MED15: variants seen among roughly 807,000 people sequenced by gnomAD.
The protein encoded by MED15 is mediator of RNA polymerase II transcription subunit 15.
A neutral mutation model predicts 118.7 loss-of-function variants in MED15; 41 were observed. That is an observed-to-expected ratio of 0.35 (90% CI 0.27 to 0.45). The LOEUF is 0.45. Among genes scored for constraint, MED15 ranks in the 20% least tolerant of loss-of-function variants. The pLI is 1.00. For missense variants in MED15, 740 were observed against 1,025.5 expected (o/e 0.72, Z 3.80); for synonymous variants, 436 against 413.9 (o/e 1.05, Z -0.65).
At chr22:20,555,193 C>G (rs755516466) in intron 5 of MED15, 45 bp downstream of exon 5, 13 of 1,492,752 alleles carry the variant, frequency 8.7e-6, no homozygotes, top group Non-Finnish European at 1.2e-5. Context: ...TCCTTGCAAA[C>G]GACAACACAT....
chr22:20,544,598 G>A (rs1329060393), intron 2 of MED15, among the ~76,000 whole-genome samples: 1 of 152,150 alleles, frequency 6.6e-6, no homozygotes, highest in Non-Finnish European at 1.5e-5. Context: ...CCCGGGAGGT[G>A]GAGCTTGCAG....
intron 5 of MED15, 64 bp from the exon 6 acceptor site, chr22:20,564,386 C>G: frequency 6.3e-7 from 1 of 1,591,478 alleles, no homozygotes. Flanking sequence ...CCTTGCTGTG[C>G]AGCCCTGCAG....
chr22:20,519,590 G>A lies in MED15; in HGVS notation c.68+11844G>A, dbSNP rs184114336. The stretch of plus-strand genomic sequence containing the variant: ...GTGCCTCAGCCTTCTGAGTGGCTGG[G>A]ATTACAGGCCTGCACCACCACACCT... On this transcript the variant is annotated intron_variant, in intron 1 of 17. Coordinates refer to ENST00000263205, the MANE Select transcript of MED15 (RefSeq NM_001003891.3). 4.3e-3 allele frequency among the ~76,000 whole-genome samples: 651 copies of A among 152,174 alleles called. 7 individuals are homozygous for A. Among genetic ancestry groups the A allele is most frequent in the African/African-American group, 0.015 (622 of 41,522 alleles).
rs529162492 is a variant in MED15, at chr22:20,550,742, G to A, written c.157-694G>A. 1.1e-3 allele frequency among the ~76,000 whole-genome samples: 170 copies of A among 152,414 alleles called. 4 individuals are homozygous for A. The South Asian group carries it at 0.023, about 21-fold the overall frequency. On this transcript the variant is annotated intron_variant, in intron 2 of 17. Transcript: ENST00000263205. ...AGTGATTTCCCTGAAACACTTGGGA[G>A]TGAGTGTCCTTGGGGCCAAAGAGGA...
chr22:20,507,837 C>G, intron 1 of MED15, 91 bp downstream of exon 1: 1 of 1,565,830 alleles, frequency 6.4e-7, no homozygotes, highest in Non-Finnish European at 8.7e-7. Context: ...GAGAAACCTA[C>G]GGCGCCGGGA....
At chr22:20,570,945 T>G (rs1384680910) in intron 8 of MED15, among the ~76,000 whole-genome samples, 1 of 151,446 alleles carries the variant, frequency 6.6e-6, no homozygotes, top group Non-Finnish European at 1.5e-5. Flanking sequence ...TTTTTTCCTC[T>G]TGTATTTTTA....
chr22:20,562,796 G>T (rs1010034988), intron 5 of MED15, among the ~76,000 whole-genome samples: 10 of 152,156 alleles, frequency 6.6e-5, no homozygotes, highest in Admixed American at 3.3e-4. Flanking sequence ...TCAACACTTT[G>T]TGAGGTCGAG....
In MED15 at chr22:20,575,134, C is replaced by G; in HGVS notation, c.1174C>G (p.Gln392Glu). The change falls in exon 9 of 18, where the codon CAA becomes GAA. Residue 392 changes from glutamine (Q) to glutamate (E), a missense_variant. Physicochemically the swap from Gln to Glu is conservative, Grantham distance 29. This residue lies in a region of MED15 where 384 missense variants were observed against 506.3 expected (regional missense o/e 0.76). Transcript: ENST00000263205. ...GVQMITEALA[Q>E]GGMHIRARFP... is the part of the protein sequence containing the mutation. ...AAAGATGATCACGGAAGCCTTGGCCCAAGGTGGGATGCACATAAGAGCCCG... is the reference window on the plus strand; with the variant it reads ...AAAGATGATCACGGAAGCCTTGGCCGAAGGTGGGATGCACATAAGAGCCCG... The G allele has an allele frequency of 1.2e-6, 2 of 1,614,172 alleles. No individual in the cohort carries two copies. Among genetic ancestry groups the G allele is most frequent in the Non-Finnish European group, 1.7e-6 (2 of 1,180,038 alleles).
rs2057032876 is a variant in MED15, at chr22:20,582,953, C to T, written c.1523C>T (p.Pro508Leu). The change falls in exon 11 of 18, where the codon CCT becomes CTT. Residue 508 changes from proline (P) to leucine (L), a missense_variant. Physicochemically the swap from Pro to Leu is moderately conservative, Grantham distance 98 (BLOSUM62 -3). Around this residue, in one of 7 missense-constraint regions of MED15, gnomAD observed 384 missense variants for 506.3 expected, o/e 0.76. Transcript: ENST00000263205. The stretch of plus-strand genomic sequence containing the variant: ...AACTTCAGTGTCCCCTCACCTGGAC[C>T]TTTAAACACACCTGGTAAGTTGGGC... ...PQNFSVPSPG[P>L]LNTPVNPSSV... 2.5e-6 allele frequency: 4 copies of T among 1,613,572 alleles called. No homozygotes were observed. The highest frequency in any genetic ancestry group is 3.4e-6 in the Non-Finnish European group (4 of 1,179,892).
chr22:20,553,206 T>C, intron 4 of MED15, 32 bp downstream of exon 4: 1 of 1,605,450 alleles, frequency 6.2e-7, no homozygotes, highest in Non-Finnish European at 8.5e-7. Flanking sequence ...TTAAAGTTTC[T>C]CCCAACTTTG....
At chr22:20,564,810 C>A in intron 6 of MED15, 122 bp downstream of exon 6, 1 of 1,488,466 alleles carries the variant, frequency 6.7e-7, no homozygotes, top group Non-Finnish European at 9.1e-7. Context: ...ACACGTGTGC[C>A]TGCCCTTTTC....
chr22:20,530,853 T>C (rs966800195), intron 1 of MED15, among the ~76,000 whole-genome samples: 1 of 152,138 alleles, frequency 6.6e-6, no homozygotes, highest in East Asian at 1.9e-4. Context: ...CACATGCTCA[T>C]TGGGCCATCG....
chr22:20,554,821 A>G, intron 4 of MED15, 115 bp from the exon 5 acceptor site: 4 of 1,006,680 alleles, frequency 4.0e-6, no homozygotes, highest in Non-Finnish European at 5.8e-6. Flanking sequence ...TGGGGCTGTG[A>G]GGGGATTGAG....
intron 9 of MED15, among the ~76,000 whole-genome samples, chr22:20,577,951 T>G (rs2079097): frequency 0.026 from 3,887 of 152,044 alleles, 177 homozygotes; most frequent in African/African-American, 0.089. Flanking sequence ...TGAGACAGAG[T>G]CTCGCACTTG....
At chr22:20,580,994 A>G (rs2056963458) in intron 9 of MED15, among the ~76,000 whole-genome samples, 1 of 152,022 alleles carries the variant, frequency 6.6e-6, no homozygotes, top group South Asian at 2.1e-4. Flanking sequence ...AGGTGTCTTG[A>G]CCACAAAGCA....
chr22:20,573,040 C>T (rs1415464593), intron 8 of MED15, among the ~76,000 whole-genome samples: 1 of 151,416 alleles, frequency 6.6e-6, no homozygotes, highest in Non-Finnish European at 1.5e-5. Flanking sequence ...ACAGTCTCAG[C>T]TCACTGCAGT....
intron 14 of MED15, 32 bp from the exon 15 acceptor site, chr22:20,584,823 C>G: frequency 6.2e-7 from 1 of 1,607,810 alleles, no homozygotes; most frequent in Non-Finnish European, 8.5e-7. Context: ...CCTCGGGTCC[C>G]GGGCTGCTGA....
At chr22:20,584,751 C>T in intron 14 of MED15, 104 bp from the exon 15 acceptor site, 1 of 1,410,264 alleles carries the variant, frequency 7.1e-7, no homozygotes, top group Non-Finnish European at 9.7e-7. Context: ...TGAGAGAGGC[C>T]TCGGGAATCT....
chr22:20,527,419 TATA>T (rs1044470479), intron 1 of MED15, among the ~76,000 whole-genome samples: 5 of 151,568 alleles, frequency 3.3e-5, no homozygotes, highest in Admixed American at 1.3e-4. Flanking sequence ...TACAATGTAG[TATA>T]ATATTTATAT....
Sources: allele counts gnomAD v4.1 joint callset (sites outside exome capture counted in the v4.1 genomes callset), GRCh38; gene constraint gnomAD v4.1.1; regional missense constraint gnomAD v4.1.1; transcripts MANE v1.5; gene names NCBI Gene and HGNC (gene_info 2026-07-23, HGNC 2026-07-21).